The following XKR6 variants were observed in gnomAD, a reference collection of about 807,000 sequenced individuals.
XKR6 encodes XK-related protein 6.
XKR6 carries 22 observed loss-of-function variants against 56.7 expected under a neutral mutation model. That is an observed-to-expected ratio of 0.39 (90% CI 0.28 to 0.55). The LOEUF (loss-of-function observed/expected upper bound fraction) is 0.55. Ranked by LOEUF, XKR6 falls within the 20% of genes least tolerant of loss-of-function variation. The probability of loss-of-function intolerance (pLI) is 0.66; values close to 1 mark genes in which losing one functional copy is unlikely to be tolerated. For synonymous variants in XKR6, 524 were observed against 387.8 expected (o/e 1.35, Z -4.13); for missense variants, 852 against 889.0 (o/e 0.96, Z 0.53).
chr8:11,030,727 C>T (rs150770299), intron 1 of XKR6, among the ~76,000 whole-genome samples: 231 of 152,210 alleles, frequency 1.5e-3, no homozygotes, highest in African/African-American at 5.4e-3. Context: ...GGCGGTAGTT[C>T]CTCACCTCTG....
At chr8:11,158,307 G>A (rs1801628150) in intron 1 of XKR6, among the ~76,000 whole-genome samples, 1 of 152,178 alleles carries the variant, frequency 6.6e-6, no homozygotes, top group Non-Finnish European at 1.5e-5. Context: ...AGGGCCTGAA[G>A]GATGAGAAGC....
chr8:11,155,180 T>C (rs1032594590), intron 1 of XKR6, among the ~76,000 whole-genome samples: 8 of 152,234 alleles, frequency 5.3e-5, no homozygotes, highest in Non-Finnish European at 1.5e-5. Context: ...TCAGAAAGAT[T>C]CCACTTGGCT....
intron 1 of XKR6, chr8:11,194,840 A>C: frequency 5.0e-6 from 2 of 397,840 alleles, no homozygotes; most frequent in South Asian, 3.6e-5. Context: ...TTTCAGGAGC[A>C]CCAGCCTTCT....
intron 1 of XKR6, among the ~76,000 whole-genome samples, chr8:11,188,060 T>C (rs1803367382): frequency 6.6e-6 from 1 of 152,182 alleles, no homozygotes; most frequent in Non-Finnish European, 1.5e-5. Flanking sequence ...ATTTTTAGTG[T>C]ATGATTTTGC....
At chr8:10,942,023 G>A (rs746739453) in intron 1 of XKR6, among the ~76,000 whole-genome samples, 32 of 152,192 alleles carry the variant, frequency 2.1e-4, no homozygotes, top group Non-Finnish European at 4.4e-4. Context: ...CTCTGAAGCT[G>A]ATAATGACAC....
chr8:11,145,576 TA>T (rs1800939807), intron 1 of XKR6, among the ~76,000 whole-genome samples: 1 of 152,102 alleles, frequency 6.6e-6, no homozygotes, highest in African/African-American at 2.4e-5. Context: ...AAAAATAAAC[TA>T]ACAAAAATAG....
At chr8:11,141,334 G>A (rs1384902617) in intron 1 of XKR6, among the ~76,000 whole-genome samples, 1 of 152,172 alleles carries the variant, frequency 6.6e-6, no homozygotes, top group South Asian at 2.1e-4. Context: ...AGCACTGGGA[G>A]GCAGGATCCT....
At chr8:11,180,181 C>A (rs1001465389) in intron 1 of XKR6, among the ~76,000 whole-genome samples, 2 of 152,060 alleles carry the variant, frequency 1.3e-5, no homozygotes, top group African/African-American at 4.8e-5. Context: ...TATTAAGTAA[C>A]AAAAGTGCTT....
intron 1 of XKR6, among the ~76,000 whole-genome samples, chr8:10,941,154 T>C (rs745328754): frequency 6.6e-6 from 1 of 152,094 alleles, no homozygotes; most frequent in South Asian, 2.1e-4. Context: ...TCCAACAGGC[T>C]CCTTCTACCC....
At chr8:11,159,482 C>T (rs566926612) in intron 1 of XKR6, among the ~76,000 whole-genome samples, 9 of 152,350 alleles carry the variant, frequency 5.9e-5, no homozygotes, top group Admixed American at 1.3e-4. Context: ...TGCTAACAGA[C>T]GCTGCTTCTG....
At chr8:11,126,497 T>C (rs1011122973) in intron 1 of XKR6, among the ~76,000 whole-genome samples, 1 of 152,188 alleles carries the variant, frequency 6.6e-6, no homozygotes, top group Admixed American at 6.5e-5. Context: ...GTGTCATTAG[T>C]CTGGTTTTTG....
Position 11,060,403 on chromosome 8 carries a change from G to A in XKR6, c.765-135573C>T, listed in dbSNP as rs985298685. On this transcript the variant is annotated intron_variant, in intron 1 of 2. Coordinates refer to ENST00000416569, the MANE Select transcript of XKR6 (RefSeq NM_173683.4). ...TTCCCTAGACCATGCTAAACCTAGA[G>A]CCCCTGCCTCCTCCGCAGCCCCGCA... Among the ~76,000 whole-genome samples the A allele has an allele frequency of 2.6e-5, 4 of 152,154 alleles. No individual in the cohort carries two copies. In the East Asian group the frequency reaches 5.8e-4, roughly 22 times the overall value.
At chr8:11,034,910 G>C (rs1363294643) in intron 1 of XKR6, among the ~76,000 whole-genome samples, 3 of 152,334 alleles carry the variant, frequency 2.0e-5, no homozygotes, top group East Asian at 1.9e-4. Context: ...TTCTCCTGCG[G>C]TGTGATACTA....
intron 1 of XKR6, among the ~76,000 whole-genome samples, chr8:10,964,489 A>G (rs1320094739): frequency 6.6e-6 from 1 of 152,170 alleles, no homozygotes; most frequent in African/African-American, 2.4e-5. Flanking sequence ...GACACACATC[A>G]TTCTCCAAGG....
intron 1 of XKR6, among the ~76,000 whole-genome samples, chr8:11,091,721 C>T (rs1798079655): frequency 6.6e-6 from 1 of 152,020 alleles, no homozygotes; most frequent in Non-Finnish European, 1.5e-5. Flanking sequence ...GCAGTGATGC[C>T]CTGCAGCCGT....
At chr8:10,984,724 C>CTATATATATATA (rs1393662292) in intron 1 of XKR6, among the ~76,000 whole-genome samples, 11 of 74,894 alleles carry the variant, frequency 1.5e-4, no homozygotes, top group African/African-American at 6.2e-4. Context: ...CTCTCTCTCT[C>CTATATATATATA]TCTCTCTCTA....
chr8:11,163,283 G>A (rs896504254), intron 1 of XKR6, among the ~76,000 whole-genome samples: 1 of 152,124 alleles, frequency 6.6e-6, no homozygotes. Flanking sequence ...TATAAGCATT[G>A]CACAGCTTAT....
At chr8:10,912,631 G>C (rs11781770) in intron 2 of XKR6, among the ~76,000 whole-genome samples, 1 of 122,316 alleles carries the variant, frequency 8.2e-6, no homozygotes. Context: ...GTATATATAT[G>C]TAAAGAGAGA....
Position 11,027,963 on chromosome 8 carries a change from G to A in XKR6, c.765-103133C>T, listed in dbSNP as rs548144234. Among the ~76,000 whole-genome samples the A allele has an allele frequency of 8.7e-4, 133 of 152,078 alleles. 1 individual carries two copies. Among genetic ancestry groups the A allele is most frequent in the African/African-American group, 3.0e-3 (124 of 41,470 alleles). On this transcript the variant is annotated intron_variant, in intron 1 of 2. Transcript: ENST00000416569. ...ATCGATGAATCTACATTGACAGATC[G>A]TCATCACCCAGAGTCCATAGGTTAC...
Sources: gnomAD v4.1 joint callset for allele counts (sites outside exome capture counted in the v4.1 genomes callset) on GRCh38, gnomAD v4.1.1 for gene constraint, MANE v1.5 for transcripts, NCBI Gene and HGNC (gene_info 2026-07-23, HGNC 2026-07-21) for gene names.